Variants in TAFA4 observed in about 807,000 individuals in gnomAD.
TAFA4 encodes the protein TAFA chemokine like family member 4, also known as chemokine-like protein TAFA-4.
A neutral mutation model predicts 21.1 loss-of-function variants in TAFA4; 20 were observed. The ratio of observed to expected loss-of-function variants is 0.95; its 90% confidence interval spans 0.67 to 1.38. The LOEUF is 1.38. Among genes scored for constraint, TAFA4 ranks in the 40% most tolerant of loss-of-function variants. The probability of loss-of-function intolerance (pLI) is 0.00; values close to 1 mark genes in which losing one functional copy is unlikely to be tolerated. For missense variants in TAFA4, 211 were observed against 180.9 expected (o/e 1.17, Z -0.95); for synonymous variants, 71 against 67.4 (o/e 1.05, Z -0.26).
At chr3:68,875,204 A>G (rs2089532417) in intron 3 of TAFA4, among the ~76,000 whole-genome samples, 1 of 151,992 alleles carries the variant, frequency 6.6e-6, no homozygotes, top group Admixed American at 6.6e-5. Flanking sequence ...CTGTACCTTG[A>G]TAGGAGCTAG....
At chr3:68,834,235 C>T (rs1281339717) in intron 3 of TAFA4, among the ~76,000 whole-genome samples, 1 of 152,124 alleles carries the variant, frequency 6.6e-6, no homozygotes, top group African/African-American at 2.4e-5. Context: ...AGTAAAGAAC[C>T]TACCCTGCTA....
intron 5 of TAFA4, among the ~76,000 whole-genome samples, chr3:68,734,115 A>T (rs1198598082): frequency 1.3e-5 from 2 of 152,196 alleles, no homozygotes; most frequent in African/African-American, 4.8e-5. Context: ...AGCCATAGAC[A>T]ATAAATAAAT....
Position 68,732,860 on chromosome 3 carries a change from G to A in TAFA4, c.*282C>T. ...GCCCTTAGTGGTGATCCATTTTGAA[G>A]ACTCTGATTTGCTCTTCTCGGATTT... On this transcript the variant is annotated 3_prime_UTR_variant, in exon 6 of 6. Coordinates refer to ENST00000295569, the MANE Select transcript of TAFA4 (RefSeq NM_182522.5). 1 of 458,408 alleles carries A rather than the reference G, an allele frequency of 2.2e-6. No individual in the cohort carries two copies. The highest frequency in any genetic ancestry group is 3.9e-6 in the Non-Finnish European group (1 of 257,028). The allele number at this position is 458,408 out of a possible 1,614,324, so 28.4% of individuals were successfully genotyped here.
intron 3 of TAFA4, among the ~76,000 whole-genome samples, chr3:68,801,896 T>C (rs1703585908): frequency 6.6e-6 from 1 of 152,104 alleles, no homozygotes. Context: ...ATTTGAATTT[T>C]GAACTTGTCC....
chr3:68,807,057 T>A lies in TAFA4; in HGVS notation c.131-54039A>T, dbSNP rs556656044. Among the ~76,000 whole-genome samples the A allele has an allele frequency of 1.3e-3, 204 of 152,290 alleles. 2 individuals are homozygous for A. The South Asian group carries it at 0.023, about 17-fold the overall frequency. On this transcript the variant is annotated intron_variant, in intron 3 of 5. Transcript: ENST00000295569. ...TGATGAACATGAATAACTAAGCATA[T>A]CAGACATGTCCAGCATGAAGCATGC...
chr3:68,827,171 T>A (rs998445546), intron 3 of TAFA4, among the ~76,000 whole-genome samples: 3 of 152,040 alleles, frequency 2.0e-5, no homozygotes, highest in Non-Finnish European at 4.4e-5. Context: ...TTGCTGAGAA[T>A]CATGGTTTCC....
At chr3:68,866,122 G>C (rs2089413056) in intron 3 of TAFA4, among the ~76,000 whole-genome samples, 1 of 152,078 alleles carries the variant, frequency 6.6e-6, no homozygotes, top group African/African-American at 2.4e-5. Flanking sequence ...GAGGATGTAA[G>C]ACTAGTGACC....
chr3:68,816,093 C>A (rs1415670535), intron 3 of TAFA4, among the ~76,000 whole-genome samples: 1 of 151,936 alleles, frequency 6.6e-6, no homozygotes, highest in African/African-American at 2.4e-5. Flanking sequence ...CATGTTCTAA[C>A]TCATAGGTGG....
rs774035566 is a variant in TAFA4 at position 68,733,167 on chromosome 3, A to T, written c.412-14T>A. 1 of 1,612,962 alleles carries T rather than the reference A, an allele frequency of 6.2e-7. No homozygotes were observed. Among genetic ancestry groups the T allele is most frequent in the South Asian group, 1.1e-5 (1 of 90,954 alleles). ...CTACCGCGTTACCTAAAACAAATCAAAATAAGGGAACATTCAACACTCTAT... is the reference window on the plus strand; with the variant it reads ...CTACCGCGTTACCTAAAACAAATCATAATAAGGGAACATTCAACACTCTAT... On this transcript the variant is annotated splice_polypyrimidine_tract_variant and intron_variant, in intron 5 of 5. Coordinates refer to ENST00000295569, the MANE Select transcript of TAFA4 (RefSeq NM_182522.5).
intron 3 of TAFA4, among the ~76,000 whole-genome samples, chr3:68,857,884 A>C (rs75415886): frequency 0.12 from 18,938 of 152,088 alleles, 1,444 homozygotes; most frequent in African/African-American, 0.21. Flanking sequence ...GAAGAAATAC[A>C]ACATATTAAG....
In TAFA4 at chr3:68,894,145, C is replaced by T. The variant is rs184105318; in HGVS notation, c.-122-8835G>A. ...GGGATTCAGTATTTGTTGGTTCTTC[C>T]TGTTACTTGTTACTTTTTTTTTTTT... On this transcript the variant is annotated intron_variant, in intron 1 of 5. Transcript: ENST00000295569. 3.7e-3 allele frequency among the ~76,000 whole-genome samples: 565 copies of T among 151,218 alleles called. 9 individuals carry two copies. Among genetic ancestry groups the T allele is most frequent in the African/African-American group, 0.012 (512 of 41,186 alleles).
At chr3:68,765,998 G>GC (rs1702847442) in intron 3 of TAFA4, among the ~76,000 whole-genome samples, 1 of 151,980 alleles carries the variant, frequency 6.6e-6, no homozygotes, top group East Asian at 1.9e-4. Flanking sequence ...CCATAAAAAA[G>GC]GTACAATGCT....
At chr3:68,882,872 G>C (rs2089633268) in intron 2 of TAFA4, 2 of 152,192 alleles carry the variant, frequency 1.3e-5, no homozygotes, top group East Asian at 1.9e-4. Flanking sequence ...GAAACGAAAG[G>C]CCCTTCAAAG....
chr3:68,810,746 G>A (rs1703817218), intron 3 of TAFA4, among the ~76,000 whole-genome samples: 1 of 152,222 alleles, frequency 6.6e-6, no homozygotes, highest in South Asian at 2.1e-4. Flanking sequence ...ACCTCTGGGG[G>A]CAGGGCATAG....
chr3:68,830,965 T>C (rs918281736), intron 3 of TAFA4, among the ~76,000 whole-genome samples: 2 of 152,224 alleles, frequency 1.3e-5, no homozygotes, highest in Non-Finnish European at 2.9e-5. Context: ...TCTCTTCTTA[T>C]CTTTGTTGGT....
chr3:68,785,308 G>A (rs1401039162), intron 3 of TAFA4, among the ~76,000 whole-genome samples: 3 of 152,226 alleles, frequency 2.0e-5, no homozygotes, highest in East Asian at 1.9e-4. Context: ...CGCACCATGC[G>A]CCCACACTCC....
intron 3 of TAFA4, among the ~76,000 whole-genome samples, chr3:68,754,063 T>C (rs1458201238): frequency 6.6e-6 from 1 of 152,222 alleles, no homozygotes; most frequent in East Asian, 1.9e-4. Context: ...ATTTGCTTTA[T>C]CATTCACTCT....
chr3:68,830,009 T>C (rs1392619253), intron 3 of TAFA4, among the ~76,000 whole-genome samples: 1 of 152,240 alleles, frequency 6.6e-6, no homozygotes, highest in Non-Finnish European at 1.5e-5. Flanking sequence ...TGGTAGTTTG[T>C]GTTTCTGTGG....
chr3:68,745,713 C>G (rs1702445095), intron 4 of TAFA4, among the ~76,000 whole-genome samples: 1 of 152,144 alleles, frequency 6.6e-6, no homozygotes, highest in Non-Finnish European at 1.5e-5. Flanking sequence ...ATAAACATCA[C>G]TCGGTTAAAC....
Sources: gnomAD v4.1 joint callset for allele counts (sites outside exome capture counted in the v4.1 genomes callset) on GRCh38, gnomAD v4.1.1 for gene constraint, MANE v1.5 for transcripts, NCBI Gene and HGNC (gene_info 2026-07-23, HGNC 2026-07-21) for gene names.